The following SYT14 variants were observed in gnomAD, a reference collection of about 807,000 sequenced individuals.
SYT14 encodes the protein synaptotagmin-14.
A neutral mutation model predicts 74.2 loss-of-function variants in SYT14; 32 were observed. The ratio of observed to expected loss-of-function variants is 0.43; its 90% CI spans 0.33 to 0.58. The LOEUF is 0.58. Among genes scored for constraint, SYT14 ranks in the 20% least tolerant of loss-of-function variants. The probability of loss-of-function intolerance (pLI) is 0.05; values close to 1 mark genes in which losing one functional copy is unlikely to be tolerated. For missense variants in SYT14, 791 were observed against 981.8 expected (o/e 0.81, Z 2.60); for synonymous variants, 298 against 337.7 (o/e 0.88, Z 1.29).
chr1:210,143,249 A>C (rs1325381263), intron 7 of SYT14, among the ~76,000 whole-genome samples: 1 of 152,222 alleles, frequency 6.6e-6, no homozygotes, highest in Non-Finnish European at 1.5e-5. Flanking sequence ...AGCTAGCCAA[A>C]AAACAAGTGC....
At chr1:209,996,543 T>G (rs2102861475) in intron 2 of SYT14, among the ~76,000 whole-genome samples, 1 of 151,634 alleles carries the variant, frequency 6.6e-6, no homozygotes, top group Non-Finnish European at 1.5e-5. Flanking sequence ...GAAAAACTGG[T>G]GCCAATCCTA....
At chr1:210,155,819 T>C in exon 8 of SYT14, 3 of 1,614,128 alleles carry the variant, frequency 1.9e-6, no homozygotes, top group Non-Finnish European at 2.5e-6. Flanking sequence ...AAATTCTTAT[T>C]GGCCTGCTTT....
intron 7 of SYT14, among the ~76,000 whole-genome samples, chr1:210,138,669 T>C (rs1485026372): frequency 6.6e-6 from 1 of 152,224 alleles, no homozygotes; most frequent in African/African-American, 2.4e-5. Context: ...CTGCTTTTTC[T>C]ATATTTAAAA....
chr1:210,058,464 C>T (rs2081140412), intron 5 of SYT14, among the ~76,000 whole-genome samples: 1 of 152,060 alleles, frequency 6.6e-6, no homozygotes, highest in Non-Finnish European at 1.5e-5. Context: ...ATAGAGGAGG[C>T]AAGAGTTATA....
intron 5 of SYT14, among the ~76,000 whole-genome samples, chr1:210,035,596 A>G (rs183450): frequency 0.57 from 86,614 of 151,610 alleles, 26,906 homozygotes; most frequent in African/African-American, 0.83. Flanking sequence ...TTTTTATGTC[A>G]TGAGGGATAG....
intron 5 of SYT14, among the ~76,000 whole-genome samples, chr1:210,033,999 G>T (rs902548126): frequency 2.4e-4 from 36 of 151,744 alleles, no homozygotes; most frequent in African/African-American, 8.0e-4. Context: ...TGAAAAATCT[G>T]TATTTTTAGT....
At chr1:210,132,567 T>TTATGTGTG (rs147481736) in intron 7 of SYT14, among the ~76,000 whole-genome samples, 1 of 144,998 alleles carries the variant, frequency 6.9e-6, no homozygotes, top group Non-Finnish European at 1.5e-5. Context: ...ATTTTATATA[T>TTATGTGTG]TGTGTGTGTG....
At chr1:210,158,096 A>G (rs1572394879) in intron 8 of SYT14, among the ~76,000 whole-genome samples, 2 of 152,362 alleles carry the variant, frequency 1.3e-5, no homozygotes, top group Non-Finnish European at 1.5e-5. Context: ...ATAAAGGTGC[A>G]TAAAAGAAGG....
chr1:210,065,116 G>A (rs964260475), intron 5 of SYT14, among the ~76,000 whole-genome samples: 1 of 151,968 alleles, frequency 6.6e-6, no homozygotes, highest in Admixed American at 6.6e-5. Context: ...TTTTGAATTG[G>A]GTTGTTTTGA....
At chr1:210,126,993 A>T (rs571358753) in intron 7 of SYT14, among the ~76,000 whole-genome samples, 6 of 152,148 alleles carry the variant, frequency 3.9e-5, no homozygotes, top group Non-Finnish European at 4.4e-5. Context: ...TCCTTAGTGG[A>T]TGGGGTTCTA....
chr1:209,969,486 C>CT (rs35157576), intron 2 of SYT14, among the ~76,000 whole-genome samples: 6,213 of 127,156 alleles, frequency 0.049, 694 homozygotes, highest in East Asian at 0.38. Flanking sequence ...TTTTTTCTTT[C>CT]TTTTTTTTTT....
At chr1:210,071,669 T>G (rs1014860138) in intron 5 of SYT14, among the ~76,000 whole-genome samples, 1 of 152,040 alleles carries the variant, frequency 6.6e-6, no homozygotes, top group Admixed American at 6.6e-5. Flanking sequence ...AAAGATCTCA[T>G]ATGTAGTAGA....
intron 2 of SYT14, among the ~76,000 whole-genome samples, chr1:210,001,466 A>G (rs555721072): frequency 2.6e-4 from 40 of 152,224 alleles, no homozygotes; most frequent in Non-Finnish European, 4.9e-4. Context: ...TAGTATTTAT[A>G]TTTTACATTT....
At chr1:210,012,983 T>G (rs1572156780) in intron 2 of SYT14, among the ~76,000 whole-genome samples, 3 of 152,278 alleles carry the variant, frequency 2.0e-5, no homozygotes, top group Admixed American at 2.0e-4. Flanking sequence ...ATTGCAGGCA[T>G]GAGCCACCAC....
chr1:210,066,510 C>G (rs895758417), intron 5 of SYT14, among the ~76,000 whole-genome samples: 4 of 152,170 alleles, frequency 2.6e-5, no homozygotes, highest in African/African-American at 7.2e-5. Context: ...TATCTGTTGG[C>G]TGCATAAATG....
chr1:210,011,120 A>G (rs2080079026), intron 2 of SYT14, among the ~76,000 whole-genome samples: 1 of 152,110 alleles, frequency 6.6e-6, no homozygotes, highest in South Asian at 2.1e-4. Context: ...TAAATGTCTG[A>G]GTGTTTTGAG....
At chr1:210,153,399 T>C (rs1049870384) in intron 7 of SYT14, among the ~76,000 whole-genome samples, 2 of 152,218 alleles carry the variant, frequency 1.3e-5, no homozygotes, top group Admixed American at 1.3e-4. Context: ...TTGGAAAGAA[T>C]GTTACAAAAT....
At chr1:210,141,406 A>G (rs1439313879) in intron 7 of SYT14, among the ~76,000 whole-genome samples, 2 of 152,188 alleles carry the variant, frequency 1.3e-5, no homozygotes, top group Non-Finnish European at 1.5e-5. Flanking sequence ...TTTGCTGAGC[A>G]TATTCATTAG....
chr1:210,169,478 C>CTA (rs2083499286), exon 10 of SYT14: 1 of 151,662 alleles, frequency 6.6e-6, no homozygotes, highest in African/African-American at 2.4e-5. Context: ...GGTGATACTT[C>CTA]TAACAGCATT....
Sources: gnomAD v4.1 joint callset for allele counts (sites outside exome capture counted in the v4.1 genomes callset) on GRCh38, gnomAD v4.1.1 for gene constraint, MANE v1.5 for transcripts, NCBI Gene and HGNC (gene_info 2026-07-23, HGNC 2026-07-21) for gene names.